The following RGS6 variants were observed in gnomAD, a reference collection of about 807,000 sequenced individuals.
The protein encoded by RGS6 is regulator of G protein signaling 6.
Under a neutral mutation model 78.5 loss-of-function variants are expected in RGS6, and 30 were observed. That is an observed-to-expected ratio of 0.38 (90% CI 0.29 to 0.52). The LOEUF (loss-of-function observed/expected upper bound fraction) is 0.52. RGS6 is among the 20% of genes least tolerant of loss of function. The pLI is 0.85. For synonymous variants in RGS6, 206 were observed against 206.0 expected, an observed-to-expected ratio of 1.00 and a Z score of 0.00; for missense variants, 495 against 609.7, an observed-to-expected ratio of 0.81 and a Z score of 1.98.
At chr14:71,887,621 G>A in the RGS6 span, among the ~76,000 whole-genome samples, 1 of 152,144 alleles carries the variant, frequency 6.6e-6, no homozygotes, top group East Asian at 1.9e-4. Flanking sequence ...AGTACCTTCA[G>A]GCTTACTAGG....
chr14:72,451,942 G>A (rs572778156), intron 3 of RGS6, among the ~76,000 whole-genome samples: 15 of 152,172 alleles, frequency 9.9e-5, no homozygotes, highest in Admixed American at 4.6e-4. Context: ...AATAGAGACG[G>A]GGTTTCACCA....
intron 12 of RGS6, among the ~76,000 whole-genome samples, chr14:72,486,985 A>G (rs1467656501): frequency 6.6e-6 from 1 of 151,796 alleles, no homozygotes; most frequent in Non-Finnish European, 1.5e-5. Context: ...TGTGAAGTTA[A>G]CCCTCTCTGC....
chr14:72,042,463 C>T (rs1416973564), intron 2 of RGS6, among the ~76,000 whole-genome samples: 1 of 151,972 alleles, frequency 6.6e-6, no homozygotes, highest in East Asian at 1.9e-4. Flanking sequence ...CTGATGAATG[C>T]TTAGTAGGAT....
At chr14:72,301,773 C>A (rs1230302360) in intron 2 of RGS6, among the ~76,000 whole-genome samples, 1 of 152,110 alleles carries the variant, frequency 6.6e-6, no homozygotes, top group Non-Finnish European at 1.5e-5. Flanking sequence ...AGCATCTCTC[C>A]CACCTCTGCC....
At chr14:72,128,369 T>A (rs896699766) in intron 2 of RGS6, among the ~76,000 whole-genome samples, 1 of 152,216 alleles carries the variant, frequency 6.6e-6, no homozygotes, top group Admixed American at 6.5e-5. Context: ...AGTAAATTAT[T>A]GGCCAGTGTC....
chr14:71,885,838 A>G, the RGS6 span, among the ~76,000 whole-genome samples: 1 of 151,024 alleles, frequency 6.6e-6, no homozygotes, highest in East Asian at 1.9e-4. Flanking sequence ...CTCTCTGTTT[A>G]ATACTAGTGG....
intron 2 of RGS6, among the ~76,000 whole-genome samples, chr14:72,058,464 ATTTAT>A (rs2093728065): frequency 1.3e-5 from 2 of 151,818 alleles, no homozygotes; most frequent in African/African-American, 4.8e-5. Context: ...CCATTAATTA[ATTTAT>A]TCTTTATAAC....
chr14:71,907,397 T>C, the RGS6 span, among the ~76,000 whole-genome samples: 8 of 152,100 alleles, frequency 5.3e-5, no homozygotes, highest in Admixed American at 1.3e-4. Flanking sequence ...GAACATGAGC[T>C]GAGGCCCTGT....
At chr14:72,502,541 G>A (rs546954214) in intron 13 of RGS6, among the ~76,000 whole-genome samples, 49 of 152,312 alleles carry the variant, frequency 3.2e-4, no homozygotes, top group African/African-American at 8.2e-4. Context: ...CGAGGCAAGC[G>A]GATCACGAGG....
At chr14:71,977,824 A>T (rs1268157965) in intron 2 of RGS6, among the ~76,000 whole-genome samples, 4 of 152,054 alleles carry the variant, frequency 2.6e-5, no homozygotes, top group Non-Finnish European at 5.9e-5. Flanking sequence ...CTTGATGGGG[A>T]TGGCATTGAA....
chr14:72,453,431 C>T (rs1187685817), intron 3 of RGS6, among the ~76,000 whole-genome samples: 80 of 150,490 alleles, frequency 5.3e-4, no homozygotes, highest in Middle Eastern at 3.4e-3. Flanking sequence ...CCGGCTAAAA[C>T]GGTGAAACCC....
chr14:72,312,593 C>G (rs1246092816), intron 2 of RGS6, among the ~76,000 whole-genome samples: 1 of 152,104 alleles, frequency 6.6e-6, no homozygotes, highest in African/African-American at 2.4e-5. Flanking sequence ...TAATACCTGC[C>G]CTGGCCAACC....
At chr14:72,128,479 A>G (rs1472625854) in intron 2 of RGS6, among the ~76,000 whole-genome samples, 1 of 152,054 alleles carries the variant, frequency 6.6e-6, no homozygotes, top group Admixed American at 6.6e-5. Flanking sequence ...CACTTTTATT[A>G]AGCACTGCTC....
At position 72,175,401 on chromosome 14, in the gene RGS6, C is replaced by G. The variant is rs75812741; in HGVS notation, c.85-176694C>G. ...TACCAATAATCAACTTTTCTTTCCCCTGAAGACAAAGTAGCATGGTTGTGA... is the reference window on the plus strand; with the variant it reads ...TACCAATAATCAACTTTTCTTTCCCGTGAAGACAAAGTAGCATGGTTGTGA... On this transcript the variant is annotated intron_variant, in intron 2 of 17. Coordinates refer to ENST00000553525, the MANE Select transcript of RGS6 (RefSeq NM_001204424.2). Among the ~76,000 whole-genome samples, 417 of 152,306 alleles carry G rather than the reference C, an allele frequency of 2.7e-3. 1 individual carries two copies. Among genetic ancestry groups the G allele is most frequent in the African/African-American group, 9.7e-3 (405 of 41,560 alleles).
chr14:72,543,167 G>A (rs1170386140), intron 17 of RGS6, among the ~76,000 whole-genome samples: 1 of 152,142 alleles, frequency 6.6e-6, no homozygotes, highest in African/African-American at 2.4e-5. Context: ...TCCACGACAG[G>A]GCGCAACTAG....
intron 1 of RGS6, among the ~76,000 whole-genome samples, chr14:71,936,703 T>C (rs2089461696): frequency 6.6e-6 from 1 of 152,186 alleles, no homozygotes; most frequent in Admixed American, 6.5e-5. Flanking sequence ...CATGCTGTTG[T>C]GAAGTCAATA....
At chr14:72,619,307 C>T in the RGS6 span, 1 of 1,536,104 alleles carries the variant, frequency 6.5e-7, no homozygotes, top group Non-Finnish European at 8.7e-7. Flanking sequence ...CTAGGCCTGG[C>T]AGCCAAAGGC....
In RGS6 at chr14:72,547,373, A is replaced by ACC. The variant is rs34941449; in HGVS notation, c.1422+7287_1422+7288dup. 3.8e-3 allele frequency: 4,522 copies of ACC among 1,193,520 alleles called. 41 individuals are homozygous for ACC. The African/African-American group carries it at 0.06, about 16-fold the overall frequency. The allele number at this position is 1,193,520 out of a possible 1,614,324, so 73.9% of individuals were successfully genotyped here. The stretch of plus-strand genomic sequence containing the variant: ...AGGACTTCAAAGGCTAAGAAGTAAG[A>ACC]CCCCCCCCCGACCCATGGAAGTCCC... On this transcript the variant is annotated intron_variant, in intron 17 of 17. Transcript: ENST00000553525.
upstream of RGS6, among the ~76,000 whole-genome samples, chr14:71,929,617 C>T (rs2087771976): frequency 6.6e-6 from 1 of 152,132 alleles, no homozygotes; most frequent in South Asian, 2.1e-4. Context: ...TAGAGATATG[C>T]TTTGAGACTA....
Sources: allele counts gnomAD v4.1 joint callset (sites outside exome capture counted in the v4.1 genomes callset), GRCh38; gene constraint gnomAD v4.1.1; transcripts MANE v1.5; gene names NCBI Gene and HGNC (gene_info 2026-07-23, HGNC 2026-07-21).